The following RNLS variants were observed in gnomAD, a reference collection of about 807,000 sequenced individuals.
RNLS encodes renalase.
A neutral mutation model predicts 39.8 loss-of-function variants in RNLS; 39 were observed. The observed-to-expected ratio is 0.98, with a 90% CI of 0.76 to 1.28. The LOEUF is 1.28. RNLS is among the 50% of genes most tolerant of loss of function. The pLI is 0.00. For synonymous variants in RNLS, 147 were observed against 150.7 expected (o/e 0.98, Z 0.18); for missense variants, 410 against 413.3 (o/e 0.99, Z 0.07).
intron 4 of RNLS, among the ~76,000 whole-genome samples, chr10:88,535,330 G>A (rs558238268): frequency 1.3e-5 from 2 of 152,052 alleles, no homozygotes; most frequent in Non-Finnish European, 2.9e-5. Flanking sequence ...GATAAAATCA[G>A]GTTGACTGAA....
At chr10:88,462,004 G>C (rs1364074004) in intron 4 of RNLS, among the ~76,000 whole-genome samples, 1 of 151,898 alleles carries the variant, frequency 6.6e-6, no homozygotes, top group Non-Finnish European at 1.5e-5. Flanking sequence ...AGTTTCAAGG[G>C]ACCATATGCT....
intron 4 of RNLS, among the ~76,000 whole-genome samples, chr10:88,388,269 C>A (rs1380935162): frequency 6.6e-6 from 1 of 152,204 alleles, no homozygotes; most frequent in Non-Finnish European, 1.5e-5. Context: ...CTCTGTTCAT[C>A]TCCATAATCA....
At chr10:88,304,758 G>T (rs1458605625) in intron 6 of RNLS, among the ~76,000 whole-genome samples, 1 of 152,062 alleles carries the variant, frequency 6.6e-6, no homozygotes, top group Non-Finnish European at 1.5e-5. Flanking sequence ...AACCAACTTG[G>T]AAAACATATT....
chr10:88,390,816 A>G (rs889711689), intron 4 of RNLS, among the ~76,000 whole-genome samples: 3 of 152,204 alleles, frequency 2.0e-5, no homozygotes, highest in African/African-American at 4.8e-5. Flanking sequence ...GGGAAGTTCC[A>G]TATCATGTTA....
At chr10:88,326,372 T>C (rs1846608789) in intron 5 of RNLS, among the ~76,000 whole-genome samples, 1 of 152,140 alleles carries the variant, frequency 6.6e-6, no homozygotes, top group Non-Finnish European at 1.5e-5. Context: ...ATGAGGAACT[T>C]ATTGGGAACT....
intron 5 of RNLS, among the ~76,000 whole-genome samples, chr10:88,357,966 T>C (rs1849317312): frequency 6.6e-6 from 1 of 152,134 alleles, no homozygotes; most frequent in Non-Finnish European, 1.5e-5. Flanking sequence ...GAAATAAACC[T>C]CAGTCATGTT....
intron 4 of RNLS, among the ~76,000 whole-genome samples, chr10:88,470,384 T>A (rs1354633241): frequency 6.6e-6 from 1 of 152,152 alleles, no homozygotes; most frequent in Non-Finnish European, 1.5e-5. Flanking sequence ...AATGGTAGAC[T>A]GGAGAAAGAA....
At chr10:88,473,627 T>A (rs1843661758) in intron 4 of RNLS, among the ~76,000 whole-genome samples, 1 of 152,184 alleles carries the variant, frequency 6.6e-6, no homozygotes. Context: ...ATATATACCA[T>A]GCATTTATTT....
the RNLS span, among the ~76,000 whole-genome samples, chr10:88,230,400 C>A: frequency 6.6e-6 from 1 of 152,088 alleles, no homozygotes; most frequent in Non-Finnish European, 1.5e-5. Flanking sequence ...TCTCTCGTTG[C>A]CCTCATCCAC....
intron 4 of RNLS, among the ~76,000 whole-genome samples, chr10:88,492,668 C>T (rs1283369189): frequency 7.9e-5 from 12 of 152,118 alleles, no homozygotes; most frequent in African/African-American, 1.4e-4. Flanking sequence ...ATCCACCCAC[C>T]TTGGCCTTCT....
intron 6 of RNLS, among the ~76,000 whole-genome samples, chr10:88,276,199 C>T (rs905277355): frequency 2.0e-5 from 3 of 152,114 alleles, no homozygotes; most frequent in Non-Finnish European, 4.4e-5. Flanking sequence ...ACATTAAGGA[C>T]ATACTTTTAT....
chr10:88,207,673 C>T, the RNLS span, among the ~76,000 whole-genome samples: 4 of 152,124 alleles, frequency 2.6e-5, no homozygotes, highest in Non-Finnish European at 5.9e-5. Context: ...GAGCATTTCC[C>T]AACATGATAG....
chr10:88,500,811 A>G (rs1372014845), intron 4 of RNLS, among the ~76,000 whole-genome samples: 1 of 152,106 alleles, frequency 6.6e-6, no homozygotes, highest in Non-Finnish European at 1.5e-5. Context: ...TACCCCTTTA[A>G]GAGATTACTC....
At chr10:88,444,763 T>A (rs548420216) in intron 4 of RNLS, among the ~76,000 whole-genome samples, 13 of 151,716 alleles carry the variant, frequency 8.6e-5, no homozygotes, top group African/African-American at 2.7e-4. Flanking sequence ...AGAAGAGAAG[T>A]TTAGAGAAAA....
intron 4 of RNLS, among the ~76,000 whole-genome samples, chr10:88,433,936 A>G (rs530924891): frequency 1.6e-4 from 24 of 152,246 alleles, no homozygotes; most frequent in Non-Finnish European, 1.6e-4. Flanking sequence ...TTTGGAAGCA[A>G]GCAGTGCAAT....
chr10:88,375,502 G>C (rs547897441), intron 4 of RNLS, among the ~76,000 whole-genome samples: 1 of 152,108 alleles, frequency 6.6e-6, no homozygotes, highest in Admixed American at 6.6e-5. Flanking sequence ...TTGTATCAAT[G>C]ATAAACTTTT....
chr10:88,579,164 G>C (rs117950997), intron 3 of RNLS, among the ~76,000 whole-genome samples: 2 of 152,070 alleles, frequency 1.3e-5, no homozygotes, highest in Non-Finnish European at 2.9e-5. Flanking sequence ...AATATGATTG[G>C]ACAAAGGGTT....
chr10:88,444,585 C>A (rs558599363), intron 4 of RNLS, among the ~76,000 whole-genome samples: 1 of 152,054 alleles, frequency 6.6e-6, no homozygotes, highest in Non-Finnish European at 1.5e-5. Context: ...AAAAATTAGA[C>A]GAATGGCTAA....
chr10:88,208,579 G>A, the RNLS span, among the ~76,000 whole-genome samples: 4 of 152,168 alleles, frequency 2.6e-5, no homozygotes, highest in South Asian at 2.1e-4. Flanking sequence ...GGAAGTTAAC[G>A]TATGGCAAAG....
Sources: allele counts gnomAD v4.1 joint callset (sites outside exome capture counted in the v4.1 genomes callset), GRCh38; gene constraint gnomAD v4.1.1; transcripts MANE v1.5; gene names NCBI Gene and HGNC (gene_info 2026-07-23, HGNC 2026-07-21).